Variants in SEC24B observed in about 807,000 individuals in gnomAD.
SEC24B encodes protein transport protein Sec24B.
A neutral mutation model predicts 142.8 loss-of-function variants in SEC24B; 45 were observed. The ratio of observed to expected loss-of-function variants is 0.32; its 90% CI spans 0.25 to 0.40. The LOEUF (loss-of-function observed/expected upper bound fraction) is 0.40, where lower values mean the gene tolerates loss of function less well. SEC24B is among the 10% of genes least tolerant of loss of function. The pLI, the probability that SEC24B is intolerant of heterozygous loss-of-function variation, is 1.00. For synonymous variants in SEC24B, 574 were observed against 568.2 expected (o/e 1.01, Z -0.15); for missense variants, 1,409 against 1,526.8 (o/e 0.92, Z 1.29).
chr4:109,486,096 G>C (rs773086807), intron 4 of SEC24B, among the ~76,000 whole-genome samples: 1 of 152,164 alleles, frequency 6.6e-6, no homozygotes, highest in African/African-American at 2.4e-5. Flanking sequence ...GAGAGAACAC[G>C]AAGAACATTT....
chr4:109,478,692 G>A (rs1053241490), intron 3 of SEC24B, among the ~76,000 whole-genome samples: 27 of 152,238 alleles, frequency 1.8e-4, no homozygotes, highest in African/African-American at 6.0e-4. Flanking sequence ...TTCCTACTGT[G>A]TACTGTATAA....
At chr4:109,520,538 C>A in intron 12 of SEC24B, 54 bp downstream of exon 12, 1 of 1,017,394 alleles carries the variant, frequency 9.8e-7, no homozygotes, top group Non-Finnish European at 1.5e-6. Flanking sequence ...GAAATGGGGG[C>A]TACTTTATTT....
At chr4:109,484,256 C>G (rs1356146151) in intron 4 of SEC24B, among the ~76,000 whole-genome samples, 2 of 152,082 alleles carry the variant, frequency 1.3e-5, no homozygotes, top group African/African-American at 4.8e-5. Context: ...AAAATGTTCC[C>G]CAGTGTGGGT....
At chr4:109,524,553 T>A (rs1474097369) in intron 14 of SEC24B, among the ~76,000 whole-genome samples, 5 of 152,182 alleles carry the variant, frequency 3.3e-5, no homozygotes, top group Non-Finnish European at 7.4e-5. Flanking sequence ...TTGCCTCAGT[T>A]TCTTCGTCTG....
intron 8 of SEC24B, among the ~76,000 whole-genome samples, chr4:109,511,436 A>T (rs1312916468): frequency 6.6e-6 from 1 of 152,234 alleles, no homozygotes; most frequent in African/African-American, 2.4e-5. Context: ...ACATAGAATA[A>T]TATGTGATCT....
Position 109,521,181 on chromosome 4 carries a change from G to T in SEC24B, c.2301+9G>T. The T allele has an allele frequency of 2.0e-6, 3 of 1,468,724 alleles. No individual in the cohort carries two copies. Among genetic ancestry groups the T allele is most frequent in the South Asian group, 2.4e-5 (2 of 83,370 alleles). The allele number at this position is 1,468,724 out of a possible 1,614,324, so 91.0% of individuals were successfully genotyped here. A position where few individuals can be genotyped will look rare whatever the true frequency, so the allele number is the denominator to read the frequency against. ...TATATGAAAGTAAAGAGGTAAGATT[G>T]ATTTATTTTCTTAAAGCATAAAAAT... is the stretch of plus-strand genomic sequence containing the variant. On this transcript the variant is annotated intron_variant, in intron 13 of 23. Transcript: ENST00000265175.
At position 109,473,263 on chromosome 4, in the gene SEC24B, T is replaced by C. The variant is rs576196536; in HGVS notation, c.1060+77T>C. The C allele has an allele frequency of 6.8e-6, 7 of 1,022,392 alleles. No homozygotes were observed. In the East Asian group the frequency reaches 2.1e-4, roughly 31 times the overall value. The allele number at this position is 1,022,392 out of a possible 1,614,324, so 63.3% of individuals were successfully genotyped here. The stretch of plus-strand genomic sequence containing the variant: ...ATAGAAGATATGAAAAAAAGTTACT[T>C]ATAATCTCAATCCAAACACAACTTT... On this transcript the variant is annotated intron_variant, in intron 3 of 23. Transcript: ENST00000265175.
chr4:109,521,416 T>G lies in SEC24B; in HGVS notation c.2302-4T>G. 6.2e-7 allele frequency: 1 copy of G among 1,610,634 alleles called. No homozygotes were observed. On this transcript the variant is annotated splice_polypyrimidine_tract_variant and splice_region_variant and intron_variant, in intron 13 of 23. Coordinates refer to ENST00000265175, the MANE Select transcript of SEC24B (RefSeq NM_006323.5). ...AATTCAATTTTTGATCTTTGTTTTCTCAGCTTATAAAAGACTTACTGAATG... is the reference window on the plus strand; with the variant it reads ...AATTCAATTTTTGATCTTTGTTTTCGCAGCTTATAAAAGACTTACTGAATG...
intron 4 of SEC24B, among the ~76,000 whole-genome samples, chr4:109,489,567 C>G (rs1561127009): frequency 8.0e-6 from 1 of 125,010 alleles, no homozygotes. Flanking sequence ...CCCCATTTTC[C>G]CCTCCCCTCA....
At chr4:109,508,512 A>T (rs1450705176) in intron 7 of SEC24B, among the ~76,000 whole-genome samples, 1 of 152,124 alleles carries the variant, frequency 6.6e-6, no homozygotes, top group East Asian at 1.9e-4. Flanking sequence ...AGTTGTGGCG[A>T]TCCAAGATCA....
chr4:109,520,556 C>T, intron 12 of SEC24B, 72 bp downstream of exon 12: 2 of 844,452 alleles, frequency 2.4e-6, no homozygotes, highest in Non-Finnish European at 4.1e-6. Flanking sequence ...TTTTAATATA[C>T]ACCTTGCTAT....
At position 109,520,352 on chromosome 4, in the gene SEC24B, A is replaced by T. The variant is rs1451261388; in HGVS notation, c.2127-14A>T. On this transcript the variant is annotated splice_polypyrimidine_tract_variant and intron_variant, in intron 11 of 23. Transcript: ENST00000265175. ...TGAGCACTCTGAATTTAAAATTGTC[A>T]TTTTTATCTTTAGGCTTCCTGGAGA... is the stretch of plus-strand genomic sequence containing the variant. 1 of 1,498,780 alleles carries T rather than the reference A, an allele frequency of 6.7e-7. No individual in the cohort carries two copies. The highest frequency in any genetic ancestry group is 1.2e-5 in the South Asian group (1 of 86,668). The allele number at this position is 1,498,780 out of a possible 1,614,324, so 92.8% of individuals were successfully genotyped here. A position where few individuals can be genotyped will look rare whatever the true frequency, so the allele number is the denominator to read the frequency against.
intron 7 of SEC24B, among the ~76,000 whole-genome samples, chr4:109,507,510 G>T (rs116441570): frequency 0.012 from 1,793 of 152,198 alleles, 32 homozygotes; most frequent in African/African-American, 0.04. Flanking sequence ...CTGACTTCAG[G>T]TGACCTGCCC....
chr4:109,472,939 G>A lies in SEC24B; in HGVS notation c.878-65G>A, dbSNP rs1732679778. 3 of 594,228 alleles carry A rather than the reference G, an allele frequency of 5.0e-6. No individual in the cohort carries two copies. The Admixed American group carries it at 1.1e-4, about 23-fold the overall frequency. 36.8% of individuals were successfully genotyped at this position (594,228 alleles called of 1,614,324 possible). A position where few individuals can be genotyped will look rare whatever the true frequency, so the allele number is the denominator to read the frequency against. On this transcript the variant is annotated intron_variant, in intron 2 of 23. Coordinates refer to ENST00000265175, the MANE Select transcript of SEC24B (RefSeq NM_006323.5). Reference sequence around the variant, plus strand: ...ATATACATTATATATAGTATTGTATGTGGTACTATATTATATATTAATATA... The same window carrying A: ...ATATACATTATATATAGTATTGTATATGGTACTATATTATATATTAATATA...
intron 1 of SEC24B, among the ~76,000 whole-genome samples, chr4:109,439,393 G>A (rs559587554): frequency 8.2e-5 from 12 of 147,002 alleles, no homozygotes; most frequent in South Asian, 2.2e-4. Context: ...ATAGCTAACC[G>A]GAAGCATCAG....
At chr4:109,492,849 G>C (rs956228118) in intron 5 of SEC24B, among the ~76,000 whole-genome samples, 1 of 151,788 alleles carries the variant, frequency 6.6e-6, no homozygotes, top group East Asian at 1.9e-4. Flanking sequence ...CAAGTAGCTG[G>C]GACTACAGGT....
chr4:109,530,882 C>A lies in SEC24B; in HGVS notation c.3252+418C>A, dbSNP rs530865639. ...CTGCACCCCAGCCTGGGCAACAGAG[C>A]GAGACTCCGTCTCAAAAAAAAAAAA... On this transcript the variant is annotated intron_variant, in intron 19 of 23. Transcript: ENST00000265175. Among the ~76,000 whole-genome samples the A allele has an allele frequency of 3.4e-5, 4 of 118,386 alleles. No homozygotes were observed. The South Asian group carries it at 1.0e-3, about 30-fold the overall frequency. 77.7% of individuals were successfully genotyped at this position (118,386 alleles called of 152,430 possible). A position where few individuals can be genotyped will look rare whatever the true frequency, so the allele number is the denominator to read the frequency against.
chr4:109,534,744 A>G (rs182579091), intron 22 of SEC24B, among the ~76,000 whole-genome samples: 1 of 152,248 alleles, frequency 6.6e-6, no homozygotes, highest in South Asian at 2.1e-4. Context: ...TCTGTAACTC[A>G]AAAGACTGAA....
At chr4:109,451,800 C>G (rs1234245884) in intron 1 of SEC24B, among the ~76,000 whole-genome samples, 1 of 151,986 alleles carries the variant, frequency 6.6e-6, no homozygotes, top group East Asian at 1.9e-4. Context: ...ATATGCTAAC[C>G]CATCTATAAT....
Sources: gnomAD v4.1 joint callset for allele counts (sites outside exome capture counted in the v4.1 genomes callset) on GRCh38, gnomAD v4.1.1 for gene constraint, MANE v1.5 for transcripts, NCBI Gene and HGNC (gene_info 2026-07-23, HGNC 2026-07-21) for gene names.